PROKR2: variants seen among roughly 807,000 people sequenced by gnomAD.
The protein encoded by PROKR2 is G protein-coupled receptor 73-like 1.
PROKR2 carries 26 observed loss-of-function variants against 23.4 expected under a neutral mutation model. That is an observed-to-expected ratio of 1.11 (90% confidence interval 0.81 to 1.54). PROKR2 has a LOEUF of 1.54. Ranked by LOEUF, PROKR2 falls within the 40% of genes most tolerant of loss-of-function variation. The pLI is 0.00. For synonymous variants in PROKR2, 212 were observed against 201.2 expected, an observed-to-expected ratio of 1.05 and a Z score of -0.45; for missense variants, 453 against 511.5, an observed-to-expected ratio of 0.89 and a Z score of 1.10.
rs1238802356 is a variant in PROKR2 at position 5,299,666 on chromosome 20, C to T, written c.*2374G>A. 1.3e-5 allele frequency among the ~76,000 whole-genome samples: 2 copies of T among 152,036 alleles called. No individual in the cohort carries two copies. Among genetic ancestry groups the T allele is most frequent in the African/African-American group, 4.8e-5 (2 of 41,372 alleles). On this transcript the variant is annotated 3_prime_UTR_variant, in exon 3 of 3. Transcript: ENST00000678254. The stretch of plus-strand genomic sequence containing the variant: ...TTGAGATGGAATCTTGCTCTATCAC[C>T]CAGGCTGGAGTGCAGTGGTGTGATC...
intron 1 of PROKR2, among the ~76,000 whole-genome samples, chr20:5,314,676 G>A (rs1979590446): frequency 6.6e-6 from 1 of 152,228 alleles, no homozygotes; most frequent in South Asian, 2.1e-4. Context: ...CTGCCCAGCT[G>A]TCAGGAAGGA....
At position 5,313,689 on chromosome 20, in the gene PROKR2, C is replaced by G. The variant is rs552912064; in HGVS notation, c.458+223G>C. 1.7e-3 allele frequency among the ~76,000 whole-genome samples: 261 copies of G among 152,336 alleles called. 5 individuals carry two copies. Among genetic ancestry groups the G allele is most frequent in the Non-Finnish European group, 2.9e-4 (20 of 68,040 alleles). On this transcript the variant is annotated intron_variant, in intron 2 of 2. Transcript: ENST00000678254. Reference sequence around the variant, plus strand: ...TCATGTGGCATGCCTGTATCTGAAGCACATGTGGTATCTGGGGGCATGGCC... The same window carrying G: ...TCATGTGGCATGCCTGTATCTGAAGGACATGTGGTATCTGGGGGCATGGCC...
intron 2 of PROKR2, among the ~76,000 whole-genome samples, chr20:5,310,780 A>G (rs537923098): frequency 6.6e-6 from 1 of 152,320 alleles, no homozygotes; most frequent in African/African-American, 2.4e-5. Flanking sequence ...CTTGGGTGTT[A>G]CCTGCACATA....
chr20:5,307,654 T>A (rs377299719), intron 2 of PROKR2, among the ~76,000 whole-genome samples: 15 of 152,240 alleles, frequency 9.9e-5, no homozygotes, highest in East Asian at 7.7e-4. Flanking sequence ...CTGCGTGCCA[T>A]GGCCACACTA....
chr20:5,299,892 T>C lies in PROKR2; in HGVS notation c.*2148A>G, dbSNP rs1282430583. Among the ~76,000 whole-genome samples, 1 of 152,218 alleles carries C rather than the reference T, an allele frequency of 6.6e-6. No individual in the cohort carries two copies. Among genetic ancestry groups the C allele is most frequent in the Non-Finnish European group, 1.5e-5 (1 of 68,044 alleles). The stretch of plus-strand genomic sequence containing the variant: ...TGCCCATCTTGGCCTCCCGAAGTGC[T>C]GGGATTACAGATGTGAGCCACCATG... On this transcript the variant is annotated 3_prime_UTR_variant, in exon 3 of 3. Coordinates refer to ENST00000678254, the MANE Select transcript of PROKR2 (RefSeq NM_144773.4).
chr20:5,316,605 T>A lies in PROKR2; in HGVS notation c.-120A>T, dbSNP rs955817352. 1.3e-5 allele frequency among the ~76,000 whole-genome samples: 2 copies of A among 152,220 alleles called. No individual in the cohort carries two copies. The highest frequency in any genetic ancestry group is 2.9e-5 in the Non-Finnish European group (2 of 68,024). ...CGGTTTTCACCTCGAGGACCCGGACTTGCACTTGCAGAGCCGCTGCGTGGG... is the reference window on the plus strand; with the variant it reads ...CGGTTTTCACCTCGAGGACCCGGACATGCACTTGCAGAGCCGCTGCGTGGG... On this transcript the variant is annotated 5_prime_UTR_variant, in exon 1 of 3. It adds an upstream start codon to the 5' untranslated region. Transcript: ENST00000678254. This position sits in a 1 kb window ranked among gnomAD's most constrained non-coding sequence, Gnocchi z 5.0.
At chr20:5,310,499 T>G (rs13043050) in intron 2 of PROKR2, among the ~76,000 whole-genome samples, 5 of 151,684 alleles carry the variant, frequency 3.3e-5, no homozygotes, top group Admixed American at 3.3e-4. Flanking sequence ...ATCAGCATAA[T>G]TGGGGCAAAG....
chr20:5,308,224 GC>G (rs746908172), intron 2 of PROKR2, among the ~76,000 whole-genome samples: 39 of 151,250 alleles, frequency 2.6e-4, no homozygotes, highest in Middle Eastern at 3.5e-3. Context: ...CCATAAACTG[GC>G]CCCCAAACTG....
chr20:5,315,415 G>A lies in PROKR2; in HGVS notation c.-8-1038C>T, dbSNP rs117398091. On this transcript the variant is annotated intron_variant, in intron 1 of 2. Transcript: ENST00000678254. ...GAAGCCCTCAGCCCGCAGGAGATAG[G>A]GCACCCCAGGGTACAAGGCTTCACC... 2.7e-3 allele frequency among the ~76,000 whole-genome samples: 407 copies of A among 152,234 alleles called. 10 individuals carry two copies. The East Asian group carries it at 0.04, about 15-fold the overall frequency.
In PROKR2 at chr20:5,308,466, TCCCTTCATTTC is replaced by T. The variant is rs1568571345; in HGVS notation, c.458+5435_458+5445del. ...CAACCCATCCCTTTATTTCGGCCCATCCCTTCATTTCGGCCCATCCCTTCATTTCCCATAAG... is the reference window on the plus strand; with the variant it reads ...CAACCCATCCCTTTATTTCGGCCCATGGCCCATCCCTTCATTTCCCATAAG... On this transcript the variant is annotated intron_variant, in intron 2 of 2. Transcript: ENST00000678254. Among the ~76,000 whole-genome samples the T allele has an allele frequency of 6.9e-4, 26 of 37,600 alleles. No individual in the cohort carries two copies. In the South Asian group the frequency reaches 0.013, roughly 18 times the overall value. The allele number at this position is 37,600 out of a possible 152,430, so 24.7% of individuals were successfully genotyped here. A position where few individuals can be genotyped will look rare whatever the true frequency, so the allele number is the denominator to read the frequency against.
At chr20:5,303,567 C>T (rs569621693) in intron 2 of PROKR2, among the ~76,000 whole-genome samples, 2 of 152,164 alleles carry the variant, frequency 1.3e-5, no homozygotes, top group Non-Finnish European at 2.9e-5. Context: ...GTCTTGGAGA[C>T]AGATTGGAGC....
rs1979670876 is a variant in PROKR2, at chr20:5,316,290, C to T, written c.-9+204G>A. The T allele has an allele frequency of 4.4e-6, 2 of 456,610 alleles. No homozygotes were observed. Among genetic ancestry groups the T allele is most frequent in the South Asian group, 1.5e-5 (1 of 64,580 alleles). The allele number at this position is 456,610 out of a possible 1,614,324, so 28.3% of individuals were successfully genotyped here. On this transcript the variant is annotated intron_variant, in intron 1 of 2. Coordinates refer to ENST00000678254, the MANE Select transcript of PROKR2 (RefSeq NM_144773.4). The surrounding 1 kb of genome is among the most constrained non-coding windows in gnomAD (Gnocchi z 5.0). ...CACACCACAGACTCCGCTTACCGTACCCTACCCGGTCCTAGAGGGCCCAGA... is the reference window on the plus strand; with the variant it reads ...CACACCACAGACTCCGCTTACCGTATCCTACCCGGTCCTAGAGGGCCCAGA...
chr20:5,308,926 C>T (rs553597133), intron 2 of PROKR2, among the ~76,000 whole-genome samples: 2 of 152,086 alleles, frequency 1.3e-5, no homozygotes, highest in Non-Finnish European at 2.9e-5. Context: ...AGAGGAGATA[C>T]CAAAGCAGCA....
intron 2 of PROKR2, among the ~76,000 whole-genome samples, chr20:5,303,298 C>T (rs1979081590): frequency 6.6e-6 from 1 of 152,168 alleles, no homozygotes; most frequent in Non-Finnish European, 1.5e-5. Context: ...GAGCCTTTCT[C>T]AGGGCAGTTG....
At chr20:5,311,382 C>T (rs919539390) in intron 2 of PROKR2, among the ~76,000 whole-genome samples, 1 of 152,048 alleles carries the variant, frequency 6.6e-6, no homozygotes. Flanking sequence ...CTGGTTGGGG[C>T]AGAGTTGGTT....
rs1225293810 is a variant in PROKR2, at chr20:5,316,697, T to C, written c.-212A>G. Among the ~76,000 whole-genome samples, 1 of 152,208 alleles carries C rather than the reference T, an allele frequency of 6.6e-6. No homozygotes were observed. Among genetic ancestry groups the C allele is most frequent in the Non-Finnish European group, 1.5e-5 (1 of 68,020 alleles). On this transcript the variant is annotated 5_prime_UTR_variant, in exon 1 of 3. Coordinates refer to ENST00000678254, the MANE Select transcript of PROKR2 (RefSeq NM_144773.4). The surrounding 1 kb of genome is among the most constrained non-coding windows in gnomAD (Gnocchi z 5.0). ...CGTGTCAGGGTCTCTGGGTTCCAGC[T>C]GGAGTTGGCGCTCCGGCCCCACAGC...
At position 5,316,146 on chromosome 20, in the gene PROKR2, G is replaced by C. The variant is rs1312883448; in HGVS notation, c.-9+348C>G. The C allele has an allele frequency of 6.6e-6, 3 of 456,630 alleles. No homozygotes were observed. The highest frequency in any genetic ancestry group is 4.6e-5 in the South Asian group (3 of 64,564). 28.3% of individuals were successfully genotyped at this position (456,630 alleles called of 1,614,324 possible). A position where few individuals can be genotyped will look rare whatever the true frequency, so the allele number is the denominator to read the frequency against. ...ATGCGGTGCGCGGGAATTTCCCCACGGACGCTTGCTGTTTCCTGCTCACCT... is the reference window on the plus strand; with the variant it reads ...ATGCGGTGCGCGGGAATTTCCCCACCGACGCTTGCTGTTTCCTGCTCACCT... On this transcript the variant is annotated intron_variant, in intron 1 of 2. Transcript: ENST00000678254. The surrounding 1 kb of genome is among the most constrained non-coding windows in gnomAD (Gnocchi z 5.0).
chr20:5,305,662 T>G (rs1600580892), intron 2 of PROKR2, among the ~76,000 whole-genome samples: 1 of 148,504 alleles, frequency 6.7e-6, no homozygotes, highest in East Asian at 2.0e-4. Flanking sequence ...ATAAACGTCC[T>G]ACCTGTGAAA....
chr20:5,312,426 C>T (rs1979478184), intron 2 of PROKR2, among the ~76,000 whole-genome samples: 1 of 152,168 alleles, frequency 6.6e-6, no homozygotes, highest in Non-Finnish European at 1.5e-5. Context: ...GTCTTTCCAT[C>T]AAATGATACT....
Sources: gnomAD v4.1 joint callset for allele counts (sites outside exome capture counted in the v4.1 genomes callset) on GRCh38, gnomAD v4.1.1 for gene constraint, Gnocchi (gnomAD v3.1) non-coding constraint, MANE v1.5 for transcripts, NCBI Gene and HGNC (gene_info 2026-07-23, HGNC 2026-07-21) for gene names.